Variants in SMYD3 observed in about 807,000 individuals in gnomAD.
SMYD3 encodes the protein histone-lysine N-methyltransferase SMYD3.
Under a neutral mutation model 57.7 loss-of-function variants are expected in SMYD3, and 36 were observed. The ratio of observed to expected loss-of-function variants is 0.62; its 90% CI spans 0.48 to 0.82. The LOEUF is 0.82. Ranked by LOEUF, SMYD3 falls within the 40% of genes least tolerant of loss-of-function variation. SMYD3 has a pLI of 0.00. For synonymous variants in SMYD3, 211 were observed against 195.0 expected (o/e 1.08, Z -0.68); for missense variants, 515 against 538.8 (o/e 0.96, Z 0.44).
At chr1:246,359,519 A>C (rs1320239322) in intron 1 of SMYD3, among the ~76,000 whole-genome samples, 4 of 152,168 alleles carry the variant, frequency 2.6e-5, no homozygotes, top group Non-Finnish European at 5.9e-5. Flanking sequence ...AAAAAATTAA[A>C]ACTACAGACC....
In SMYD3 at chr1:246,084,056, T is replaced by C. The variant is rs563269028; in HGVS notation, c.532-154119A>G. Among the ~76,000 whole-genome samples, 152 of 152,252 alleles carry C rather than the reference T, an allele frequency of 1.0e-3. No homozygotes were observed. In the Middle Eastern group the frequency reaches 0.01, roughly 10 times the overall value. Reference sequence around the variant, plus strand: ...TGTTTGGCTTACTACTTATTATCTATCAGCATAAGGACTGCTAAGTAACAT... The same window carrying C: ...TGTTTGGCTTACTACTTATTATCTACCAGCATAAGGACTGCTAAGTAACAT... On this transcript the variant is annotated intron_variant, in intron 5 of 11. Coordinates refer to ENST00000490107, the MANE Select transcript of SMYD3 (RefSeq NM_001167740.2).
intron 10 of SMYD3, among the ~76,000 whole-genome samples, chr1:245,791,827 T>G (rs1373370757): frequency 3.3e-5 from 5 of 152,300 alleles, no homozygotes; most frequent in Non-Finnish European, 5.9e-5. Context: ...TATCGCTGCC[T>G]TTCTTTTCTC....
chr1:245,810,100 C>T (rs1052309409), intron 10 of SMYD3, among the ~76,000 whole-genome samples: 5 of 152,196 alleles, frequency 3.3e-5, no homozygotes. Flanking sequence ...TTCCTGCTGC[C>T]TGGGCAGGAG....
At chr1:245,800,444 T>C (rs929264610) in intron 10 of SMYD3, among the ~76,000 whole-genome samples, 21 of 152,046 alleles carry the variant, frequency 1.4e-4, no homozygotes, top group African/African-American at 5.1e-4. Context: ...TTTTAAATAA[T>C]GCTATATCTA....
intron 5 of SMYD3, among the ~76,000 whole-genome samples, chr1:246,000,653 C>T (rs2059022486): frequency 6.6e-6 from 1 of 152,274 alleles, no homozygotes; most frequent in East Asian, 1.9e-4. Flanking sequence ...TTTTATTTTG[C>T]ATCATGGCCA....
In SMYD3 at chr1:246,095,464, C is replaced by T. The variant is rs2060898493; in HGVS notation, c.532-165527G>A. 2.0e-5 allele frequency among the ~76,000 whole-genome samples: 3 copies of T among 152,214 alleles called. No homozygotes were observed. The South Asian group carries it at 6.2e-4, about 32-fold the overall frequency. On this transcript the variant is annotated intron_variant, in intron 5 of 11. Coordinates refer to ENST00000490107, the MANE Select transcript of SMYD3 (RefSeq NM_001167740.2). ...TATGCAACGATAAGGTGCAGACAAG[C>T]TTCTTTGGGAGCACAGATTAGGAAG...
intron 1 of SMYD3, among the ~76,000 whole-genome samples, chr1:246,489,931 G>A (rs970303937): frequency 5.3e-5 from 8 of 151,434 alleles, no homozygotes; most frequent in African/African-American, 1.9e-4. Flanking sequence ...AGGCTCAAGT[G>A]ATCCTCCTGC....
At chr1:245,964,123 T>C (rs2058080143) in intron 5 of SMYD3, among the ~76,000 whole-genome samples, 1 of 152,130 alleles carries the variant, frequency 6.6e-6, no homozygotes, top group Admixed American at 6.5e-5. Flanking sequence ...GGGGCCAGCA[T>C]GTCACATGGT....
intron 5 of SMYD3, among the ~76,000 whole-genome samples, chr1:246,263,514 A>G (rs2064049601): frequency 6.6e-6 from 1 of 152,224 alleles, no homozygotes; most frequent in African/African-American, 2.4e-5. Context: ...GCTCCTTAGT[A>G]TGCAGGAAAA....
intron 5 of SMYD3, among the ~76,000 whole-genome samples, chr1:246,286,774 A>C (rs1213676181): frequency 3.3e-5 from 5 of 152,138 alleles, no homozygotes; most frequent in African/African-American, 1.2e-4. Flanking sequence ...TGAATTCTAA[A>C]TTTCAAGTGG....
chr1:246,342,571 CA>C (rs1288222449), intron 2 of SMYD3, among the ~76,000 whole-genome samples: 1 of 151,900 alleles, frequency 6.6e-6, no homozygotes, highest in Non-Finnish European at 1.5e-5. Context: ...TAAGATCTTG[CA>C]AAAAAATCTC....
chr1:246,384,196 A>G (rs745719534), intron 1 of SMYD3, among the ~76,000 whole-genome samples: 2 of 152,134 alleles, frequency 1.3e-5, no homozygotes, highest in African/African-American at 2.4e-5. Flanking sequence ...TATCCTTCAG[A>G]TATCTTTTTC....
At chr1:246,070,190 G>C (rs2787998) in intron 5 of SMYD3, among the ~76,000 whole-genome samples, 60,079 of 151,958 alleles carry the variant, frequency 0.4, 14,893 homozygotes, top group African/African-American at 0.68. Context: ...GGCAACAGCA[G>C]TCTCTGGTCC....
At chr1:246,105,328 G>A (rs2061098431) in intron 5 of SMYD3, among the ~76,000 whole-genome samples, 1 of 151,996 alleles carries the variant, frequency 6.6e-6, no homozygotes. Flanking sequence ...CCGTTTAGGA[G>A]GATGAAATTT....
rs563321133 is a variant in SMYD3 at position 246,155,346 on chromosome 1, A to G, written c.531+171855T>C. Among the ~76,000 whole-genome samples, 14 of 152,334 alleles carry G rather than the reference A, an allele frequency of 9.2e-5. No individual in the cohort carries two copies. In the South Asian group the frequency reaches 2.9e-3, roughly 32 times the overall value. ...TCAGGACACAGCCAAGAGAAAGCAG[A>G]TAATGTTCGTCCCTTATTTCCATAC... On this transcript the variant is annotated intron_variant, in intron 5 of 11. Transcript: ENST00000490107.
Position 245,786,214 on chromosome 1 carries a change from G to GGGGC in SMYD3, c.1077-22066_1077-22065insGCCC, listed in dbSNP as rs1553321348. ...CACTGAGTTGAGTTGGGGTGTGGACGGGGGGGGGATGGTGGCAACAGAATA... is the reference window on the plus strand; with the variant it reads ...CACTGAGTTGAGTTGGGGTGTGGACGGGGCGGGGGGGGATGGTGGCAACAGAATA... On this transcript the variant is annotated intron_variant, in intron 10 of 11. Coordinates refer to ENST00000490107, the MANE Select transcript of SMYD3 (RefSeq NM_001167740.2). 4.4e-5 allele frequency among the ~76,000 whole-genome samples: 3 copies of GGGGC among 68,724 alleles called. 1 individual carries two copies. The highest frequency in any genetic ancestry group is 3.1e-4 in the African/African-American group (3 of 9,642). 45.1% of individuals were successfully genotyped at this position (68,724 alleles called of 152,430 possible). A position where few individuals can be genotyped will look rare whatever the true frequency, so the allele number is the denominator to read the frequency against.
At chr1:246,474,691 C>T (rs1558481432) in intron 1 of SMYD3, among the ~76,000 whole-genome samples, 1 of 152,098 alleles carries the variant, frequency 6.6e-6, no homozygotes. Flanking sequence ...CTAACAATTA[C>T]TGCAGAGGTC....
chr1:246,013,241 G>A (rs751181208), intron 5 of SMYD3, among the ~76,000 whole-genome samples: 4 of 152,122 alleles, frequency 2.6e-5, no homozygotes, highest in Non-Finnish European at 5.9e-5. Flanking sequence ...GTAAAGTACT[G>A]CGATCTTGGC....
At chr1:245,905,004 GC>G (rs1354089915) in intron 8 of SMYD3, among the ~76,000 whole-genome samples, 3 of 151,798 alleles carry the variant, frequency 2.0e-5, no homozygotes, top group Non-Finnish European at 4.4e-5. Context: ...CGGAAGGGAA[GC>G]CGCTGCCTTG....
Sources: allele counts gnomAD v4.1 joint callset (sites outside exome capture counted in the v4.1 genomes callset), GRCh38; gene constraint gnomAD v4.1.1; transcripts MANE v1.5; gene names NCBI Gene and HGNC (gene_info 2026-07-23, HGNC 2026-07-21).